Variants in GNPTAB observed in about 807,000 individuals in gnomAD.
GNPTAB encodes N-acetylglucosamine-1-phosphotransferase subunits alpha/beta.
In GNPTAB, 92 loss-of-function variants were observed where a neutral mutation model predicts 136.6. The ratio of observed to expected loss-of-function variants is 0.67; its 90% confidence interval spans 0.57 to 0.80. The LOEUF (loss-of-function observed/expected upper bound fraction) is 0.80, where lower values mean the gene tolerates loss of function less well. Among genes scored for constraint, GNPTAB ranks in the 30% least tolerant of loss-of-function variants. The probability of loss-of-function intolerance (pLI) is 0.00; values close to 1 mark genes in which losing one functional copy is unlikely to be tolerated. For missense variants in GNPTAB, 1,343 were observed against 1,501.8 expected, an observed-to-expected ratio of 0.89 and a Z score of 1.75; for synonymous variants, 512 against 535.1, an observed-to-expected ratio of 0.96 and a Z score of 0.60.
chr12:101,754,940 G>GA, intron 18 of GNPTAB, among the ~76,000 whole-genome samples: 1 of 152,022 alleles, frequency 6.6e-6, no homozygotes, highest in East Asian at 1.9e-4. Flanking sequence ...GAGATGGAGG[G>GA]AAAACCCATA....
chr12:101,789,494 TTC>T (rs1868857350), intron 3 of GNPTAB, among the ~76,000 whole-genome samples: 1 of 152,184 alleles, frequency 6.6e-6, no homozygotes, highest in Non-Finnish European at 1.5e-5. Context: ...TCTTTTCTTT[TTC>T]TTTTTTGAGA....
At chr12:101,758,037 ATTTTT>A (rs565284497) in intron 16 of GNPTAB, among the ~76,000 whole-genome samples, 1 of 126,228 alleles carries the variant, frequency 7.9e-6, no homozygotes. Context: ...TCATAGTCTC[ATTTTT>A]TTTTTTTTTT....
chr12:101,761,395 C>T (rs758876480), intron 14 of GNPTAB, 49 bp from the exon 15 acceptor site: 56 of 1,550,316 alleles, frequency 3.6e-5, no homozygotes, highest in Admixed American at 1.0e-4. Context: ...AAGTATGTAC[C>T]GTATCTAACA....
At chr12:101,827,923 C>A (rs1018419123) in intron 1 of GNPTAB, among the ~76,000 whole-genome samples, 2 of 152,138 alleles carry the variant, frequency 1.3e-5, no homozygotes, top group Non-Finnish European at 2.9e-5. Context: ...GCTGAGATCA[C>A]CCCACTGCAC....
At chr12:101,767,964 G>T (rs1953118890) in intron 11 of GNPTAB, 73 bp downstream of exon 11, 1 of 1,453,562 alleles carries the variant, frequency 6.9e-7, no homozygotes, top group Non-Finnish European at 9.7e-7. Flanking sequence ...TAAGTCTATA[G>T]CACATGTTCA....
intron 5 of GNPTAB, among the ~76,000 whole-genome samples, chr12:101,783,509 G>A (rs953506195): frequency 2.6e-5 from 4 of 152,096 alleles, no homozygotes; most frequent in African/African-American, 9.7e-5. Context: ...TTAGTCTAGA[G>A]GTAAAATGAA....
chr12:101,780,549 T>C lies in GNPTAB; in HGVS notation c.636+8A>G. 1 of 1,583,716 alleles carries C rather than the reference T, an allele frequency of 6.3e-7. No homozygotes were observed. Among genetic ancestry groups the C allele is most frequent in the South Asian group, 1.1e-5 (1 of 90,342 alleles). ...TGTAAAAATGCAATTAAATTTAAAA[T>C]AACATACCAAGTAGCCCCTCCATAC... On this transcript the variant is annotated splice_region_variant and intron_variant, in intron 6 of 20. Coordinates refer to ENST00000299314, the MANE Select transcript of GNPTAB (RefSeq NM_024312.5).
intron 1 of GNPTAB, among the ~76,000 whole-genome samples, chr12:101,799,141 A>G (rs763413884): frequency 6.6e-6 from 1 of 152,192 alleles, no homozygotes; most frequent in Non-Finnish European, 1.5e-5. Context: ...TTGTATTGAA[A>G]ATGCGCTTTA....
At position 101,826,856 on chromosome 12, in the gene GNPTAB, T is replaced by C. The variant is rs187826536; in HGVS notation, c.117+3703A>G. 3.2e-4 allele frequency among the ~76,000 whole-genome samples: 49 copies of C among 152,112 alleles called. 1 individual carries two copies. Among genetic ancestry groups the C allele is most frequent in the African/African-American group, 1.0e-3 (42 of 41,524 alleles). ...TAACACCATTTGTGGAGCTAACTAA[T>C]TTACAATAGACTGATTACCTGCTAC... On this transcript the variant is annotated intron_variant, in intron 1 of 20. Transcript: ENST00000299314.
chr12:101,775,729 A>G (rs1430202480), intron 7 of GNPTAB, among the ~76,000 whole-genome samples: 1 of 152,020 alleles, frequency 6.6e-6, no homozygotes, highest in Non-Finnish European at 1.5e-5. Context: ...TGGTTGTTTC[A>G]TCTTTATTTT....
chr12:101,786,295 AT>A (rs1246337443), intron 4 of GNPTAB, 78 bp from the exon 5 acceptor site: 1 of 1,136,520 alleles, frequency 8.8e-7, no homozygotes. Context: ...ATACTACTAA[AT>A]TTTTCAGATT....
At chr12:101,759,564 C>T (rs1374308830) in intron 16 of GNPTAB, among the ~76,000 whole-genome samples, 1 of 152,054 alleles carries the variant, frequency 6.6e-6, no homozygotes, top group African/African-American at 2.4e-5. Flanking sequence ...CTCTTATAAT[C>T]TATACTCTTT....
At chr12:101,779,935 G>C in intron 7 of GNPTAB, 1 of 585,168 alleles carries the variant, frequency 1.7e-6, no homozygotes, top group Non-Finnish European at 3.0e-6. Flanking sequence ...AAACAAATGA[G>C]TCCTTCTCTA....
At chr12:101,799,269 G>A (rs1207801513) in intron 1 of GNPTAB, among the ~76,000 whole-genome samples, 2 of 152,186 alleles carry the variant, frequency 1.3e-5, no homozygotes, top group African/African-American at 4.8e-5. Flanking sequence ...TAAAGCAGGA[G>A]AATGTAATGC....
intron 20 of GNPTAB, 104 bp downstream of exon 20, chr12:101,748,997 A>G: frequency 1.3e-6 from 1 of 746,644 alleles, no homozygotes; most frequent in Non-Finnish European, 2.4e-6. Context: ...ACAATAAGAG[A>G]AGTTAAAATT....
chr12:101,747,099 CTG>C lies in GNPTAB; in HGVS notation c.*63_*64del. On this transcript the variant is annotated 3_prime_UTR_variant, in exon 21 of 21. Coordinates refer to ENST00000299314, the MANE Select transcript of GNPTAB (RefSeq NM_024312.5). ...TAAGCATCACATCACAAAGACATCTCTGTGAAGCTGAGTTTTAAAATGCTCAG... is the reference window on the plus strand; with the variant it reads ...TAAGCATCACATCACAAAGACATCTCTGAAGCTGAGTTTTAAAATGCTCAG... 5.4e-6 allele frequency: 5 copies of C among 923,536 alleles called. No individual in the cohort carries two copies. The highest frequency in any genetic ancestry group is 9.1e-6 in the Non-Finnish European group (5 of 551,996). The allele number at this position is 923,536 out of a possible 1,614,324, so 57.2% of individuals were successfully genotyped here.
chr12:101,765,875 A>T (rs1594215401), intron 12 of GNPTAB: 1 of 531,814 alleles, frequency 1.9e-6, no homozygotes, highest in African/African-American at 1.9e-5. Context: ...CAAACAAAAC[A>T]AAACAAAACA....
chr12:101,827,472 GC>G (rs936411219), intron 1 of GNPTAB, among the ~76,000 whole-genome samples: 8 of 151,924 alleles, frequency 5.3e-5, no homozygotes, highest in Non-Finnish European at 1.0e-4. Context: ...CTGACTTCAA[GC>G]AATCCTCCAG....
chr12:101,829,288 C>G (rs1871252781), intron 1 of GNPTAB, among the ~76,000 whole-genome samples: 1 of 152,168 alleles, frequency 6.6e-6, no homozygotes, highest in Non-Finnish European at 1.5e-5. Context: ...AGTTTGAGAC[C>G]AGCCTGGCCA....
Sources: gnomAD v4.1 joint callset for allele counts (sites outside exome capture counted in the v4.1 genomes callset) on GRCh38, gnomAD v4.1.1 for gene constraint, MANE v1.5 for transcripts, NCBI Gene and HGNC (gene_info 2026-07-23, HGNC 2026-07-21) for gene names.